Variants in DAPP1 observed in about 807,000 individuals in gnomAD.
DAPP1 encodes the protein dual adaptor of phosphotyrosine and 3-phosphoinositides 1.
DAPP1 carries 20 observed loss-of-function variants against 41.5 expected under a neutral mutation model. The observed-to-expected ratio is 0.48, with a 90% CI of 0.34 to 0.70. The LOEUF (loss-of-function observed/expected upper bound fraction) is 0.70. Ranked by LOEUF, DAPP1 falls within the 30% of genes least tolerant of loss-of-function variation. The pLI is 0.01. For synonymous variants in DAPP1, 113 were observed against 116.2 expected, an observed-to-expected ratio of 0.97 and a Z score of 0.18; for missense variants, 233 against 333.4, an observed-to-expected ratio of 0.70 and a Z score of 2.35.
chr4:99,824,594 C>T (rs1031205335), intron 1 of DAPP1, among the ~76,000 whole-genome samples: 3 of 152,096 alleles, frequency 2.0e-5, no homozygotes, highest in Non-Finnish European at 2.9e-5. Context: ...TGAAAGTGAC[C>T]CTCTCTGTCT....
rs1723034215 is a variant in DAPP1 at position 99,829,017 on chromosome 4, A to C, written c.102-6606A>C. 5.3e-5 allele frequency among the ~76,000 whole-genome samples: 8 copies of C among 152,304 alleles called. No individual in the cohort carries two copies. The South Asian group carries it at 1.7e-3, about 32-fold the overall frequency. On this transcript the variant is annotated intron_variant, in intron 1 of 8. Coordinates refer to ENST00000512369, the MANE Select transcript of DAPP1 (RefSeq NM_014395.3). Reference sequence around the variant, plus strand: ...AGAATTTTTTTTTTAAGTTTCAAAAAATGAACCTATTCCCAACTGCATAAC... The same window carrying C: ...AGAATTTTTTTTTTAAGTTTCAAAACATGAACCTATTCCCAACTGCATAAC...
intron 3 of DAPP1, among the ~76,000 whole-genome samples, chr4:99,844,989 A>G (rs1439071209): frequency 6.6e-6 from 1 of 152,238 alleles, no homozygotes; most frequent in Non-Finnish European, 1.5e-5. Flanking sequence ...AAAATACAAA[A>G]TGTTCTCAGT....
chr4:99,833,357 T>C (rs1251996215), intron 1 of DAPP1, among the ~76,000 whole-genome samples: 4 of 152,214 alleles, frequency 2.6e-5, no homozygotes, highest in South Asian at 2.1e-4. Context: ...ATTTCTAATA[T>C]AGGATGAAAG....
At chr4:99,847,883 G>A (rs908848840) in intron 3 of DAPP1, among the ~76,000 whole-genome samples, 1 of 152,032 alleles carries the variant, frequency 6.6e-6, no homozygotes, top group Non-Finnish European at 1.5e-5. Flanking sequence ...GCGCCATCTC[G>A]GCTCACTGCA....
chr4:99,842,852 CTT>C (rs1297681743), intron 3 of DAPP1, among the ~76,000 whole-genome samples: 30 of 137,598 alleles, frequency 2.2e-4, no homozygotes, highest in South Asian at 2.1e-3. Flanking sequence ...ATATTTCTTT[CTT>C]TTTTTTTTTT....
chr4:99,835,828 G>A, intron 2 of DAPP1, 83 bp downstream of exon 2: 1 of 1,540,940 alleles, frequency 6.5e-7, no homozygotes, highest in Non-Finnish European at 8.8e-7. Flanking sequence ...TTGCCAGACA[G>A]CAAAACTTCC....
rs184881745 is a variant in DAPP1 at position 99,819,298 on chromosome 4, G to A, written c.101+2284G>A. 2.4e-4 allele frequency among the ~76,000 whole-genome samples: 37 copies of A among 152,256 alleles called. No individual in the cohort carries two copies. The Middle Eastern group carries it at 0.01, about 42-fold the overall frequency. Reference sequence around the variant, plus strand: ...TCAACAGTGTGCTGGAAAAACAGCTGGGAAGAGTTGGGGTGTGGAGAAAGC... The same window carrying A: ...TCAACAGTGTGCTGGAAAAACAGCTAGGAAGAGTTGGGGTGTGGAGAAAGC... On this transcript the variant is annotated intron_variant, in intron 1 of 8. Coordinates refer to ENST00000512369, the MANE Select transcript of DAPP1 (RefSeq NM_014395.3).
chr4:99,843,239 C>G (rs1008820341), intron 3 of DAPP1, among the ~76,000 whole-genome samples: 1 of 152,144 alleles, frequency 6.6e-6, no homozygotes, highest in Non-Finnish European at 1.5e-5. Context: ...GAAATGATAT[C>G]CAAATAGCCA....
intron 7 of DAPP1, 109 bp from the exon 8 acceptor site, chr4:99,865,925 A>ATAATATATTATATATT: frequency 1.2e-5 from 1 of 85,442 alleles, no homozygotes; most frequent in African/African-American, 4.6e-5. Flanking sequence ...ATATATATAT[A>ATAATATATTATATATT]ATATATATAA....
chr4:99,859,209 C>T (rs1241813291), intron 4 of DAPP1, among the ~76,000 whole-genome samples: 1 of 152,092 alleles, frequency 6.6e-6, no homozygotes, highest in African/African-American at 2.4e-5. Flanking sequence ...AGCCTCCGTG[C>T]CTGGCCTGGC....
chr4:99,859,529 T>C (rs939555954), intron 4 of DAPP1, among the ~76,000 whole-genome samples: 1 of 152,196 alleles, frequency 6.6e-6, no homozygotes, highest in Admixed American at 6.5e-5. Flanking sequence ...TTCACAACAA[T>C]GCTTCCAATA....
chr4:99,862,887 G>C (rs912008243), intron 5 of DAPP1, 123 bp from the exon 6 acceptor site: 246 of 646,586 alleles, frequency 3.8e-4, no homozygotes, highest in Non-Finnish European at 5.5e-4. Context: ...TTTTTTCAGG[G>C]TTATAGTATT....
chr4:99,869,716 G>A lies in DAPP1; in HGVS notation c.*1531G>A, dbSNP rs1189243344. 3 of 152,156 alleles carry A rather than the reference G, an allele frequency of 2.0e-5. No individual in the cohort carries two copies. The highest frequency in any genetic ancestry group is 4.8e-5 in the African/African-American group (2 of 41,426). 9.4% of individuals were successfully genotyped at this position (152,156 alleles called of 1,614,324 possible). On this transcript the variant is annotated 3_prime_UTR_variant, in exon 9 of 9. Transcript: ENST00000512369. Reference sequence around the variant, plus strand: ...AGGCCAAGACAAGCAGATCACTTGAGGTCAGGAGTTCAACATCAGCCTGGC... The same window carrying A: ...AGGCCAAGACAAGCAGATCACTTGAAGTCAGGAGTTCAACATCAGCCTGGC...
chr4:99,871,083 A>G (rs1244496687), downstream of DAPP1, among the ~76,000 whole-genome samples: 1 of 152,108 alleles, frequency 6.6e-6, no homozygotes, highest in Admixed American at 6.6e-5. Context: ...TTCTTTTCCC[A>G]ACCACATGGC....
intron 1 of DAPP1, among the ~76,000 whole-genome samples, chr4:99,833,040 G>T (rs1022518370): frequency 1.3e-5 from 2 of 152,160 alleles, no homozygotes; most frequent in African/African-American, 4.8e-5. Flanking sequence ...CAATCTGCTG[G>T]CTCGAACTGA....
intron 1 of DAPP1, among the ~76,000 whole-genome samples, chr4:99,824,099 T>C (rs1247433674): frequency 4.6e-5 from 7 of 152,224 alleles, no homozygotes; most frequent in Admixed American, 4.6e-4. Flanking sequence ...ATGTTTGGGT[T>C]GATTCACCAG....
intron 3 of DAPP1, 145 bp downstream of exon 3, chr4:99,840,567 A>G (rs548801132): frequency 2.8e-5 from 29 of 1,029,156 alleles, no homozygotes; most frequent in Non-Finnish European, 3.0e-5. Flanking sequence ...TGTATAAAGT[A>G]GATATTTTCT....
intron 2 of DAPP1, 62 bp downstream of exon 2, chr4:99,835,807 C>A (rs1485399139): frequency 2.5e-6 from 4 of 1,578,006 alleles, no homozygotes; most frequent in East Asian, 4.5e-5. Flanking sequence ...CTGACTTTAT[C>A]ATCACTCAAA....
intron 8 of DAPP1, among the ~76,000 whole-genome samples, chr4:99,867,606 C>T (rs1479584978): frequency 6.6e-6 from 1 of 152,144 alleles, no homozygotes; most frequent in Non-Finnish European, 1.5e-5. Flanking sequence ...TATACATATA[C>T]CTACACTATA....
Sources: allele counts gnomAD v4.1 joint callset (sites outside exome capture counted in the v4.1 genomes callset), GRCh38; gene constraint gnomAD v4.1.1; transcripts MANE v1.5; gene names NCBI Gene and HGNC (gene_info 2026-07-23, HGNC 2026-07-21).